HSPG2: variants seen among roughly 807,000 people sequenced by gnomAD.
HSPG2 encodes the protein basement membrane-specific heparan sulfate proteoglycan core protein.
A neutral mutation model predicts 526.6 loss-of-function variants in HSPG2; 278 were observed. The observed-to-expected ratio is 0.53, with a 90% CI of 0.48 to 0.58. The LOEUF (loss-of-function observed/expected upper bound fraction) is 0.58, where lower values mean the gene tolerates loss of function less well. HSPG2 is among the 20% of genes least tolerant of loss of function. The probability of loss-of-function intolerance (pLI) is 0.00; values close to 1 mark genes in which losing one functional copy is unlikely to be tolerated. For missense variants in HSPG2, 5,354 were observed against 6,099.5 expected, an observed-to-expected ratio of 0.88 and a Z score of 4.07; for synonymous variants, 2,465 against 2,555.4, an observed-to-expected ratio of 0.96 and a Z score of 1.07.
Position 21,842,763 on chromosome 1 carries a change from C to A in HSPG2, c.8910+7G>T. 1.2e-6 allele frequency: 2 copies of A among 1,612,882 alleles called. No individual in the cohort carries two copies. The highest frequency in any genetic ancestry group is 2.2e-5 in the East Asian group (1 of 44,880). ...ACCTGGAATCCTCCCCATCCTGGCC[C>A]CTGTACCTGGTGCCGGGCGGGGAGG... On this transcript the variant is annotated splice_region_variant and intron_variant, in intron 67 of 96. Coordinates refer to ENST00000374695, the MANE Select transcript of HSPG2 (RefSeq NM_005529.7).
intron 55 of HSPG2, 171 bp downstream of exon 55, chr1:21,851,375 C>T (rs1638881371): frequency 3.5e-6 from 3 of 869,322 alleles, no homozygotes; most frequent in Non-Finnish European, 5.3e-6. Flanking sequence ...CCAGAATTCA[C>T]ACCCAGGTTA....
Position 21,828,717 on chromosome 1 carries a change from C to A in HSPG2, c.12237+118G>T. On this transcript the variant is annotated intron_variant, in intron 88 of 96. Transcript: ENST00000374695. This position sits in a 1 kb window ranked among gnomAD's most constrained non-coding sequence, Gnocchi z 6.0. ...GGCTCAGAGGTACAGTGTCCTGGCC[C>A]AGGGCCCGTGGGTGGCTGCAGGTGG... 1 of 1,426,454 alleles carries A rather than the reference C, an allele frequency of 7.0e-7. No individual in the cohort carries two copies. The highest frequency in any genetic ancestry group is 9.6e-7 in the Non-Finnish European group (1 of 1,043,068). The allele number at this position is 1,426,454 out of a possible 1,614,324, so 88.4% of individuals were successfully genotyped here.
intron 3 of HSPG2, among the ~76,000 whole-genome samples, chr1:21,891,643 C>T (rs181624855): frequency 3.3e-5 from 5 of 152,246 alleles, no homozygotes; most frequent in Non-Finnish European, 5.9e-5. Context: ...CAGGGTCTTG[C>T]TCTGTCACCC....
chr1:21,927,761 C>T (rs1292987382), intron 1 of HSPG2, among the ~76,000 whole-genome samples: 1 of 152,194 alleles, frequency 6.6e-6, no homozygotes, highest in Non-Finnish European at 1.5e-5. Flanking sequence ...CTCTGTCCTA[C>T]AGCTGCGGCC....
intron 1 of HSPG2, among the ~76,000 whole-genome samples, chr1:21,925,808 T>A (rs1036978618): frequency 6.6e-6 from 1 of 152,026 alleles, no homozygotes; most frequent in Non-Finnish European, 1.5e-5. Flanking sequence ...CAACCTGGGC[T>A]CCATTCCCAG....
chr1:21,846,013 G>C, intron 64 of HSPG2, 95 bp downstream of exon 64: 2 of 1,434,942 alleles, frequency 1.4e-6, no homozygotes, highest in Admixed American at 1.7e-5. Context: ...TTCTCGCCGA[G>C]TGCCAGAAAG....
At chr1:21,901,704 G>A (rs1168123556) in intron 1 of HSPG2, among the ~76,000 whole-genome samples, 13 of 152,176 alleles carry the variant, frequency 8.5e-5, no homozygotes, top group East Asian at 3.9e-4. Context: ...TCCCCAGGGC[G>A]GCTGCAGCTG....
In HSPG2 at chr1:21,829,277, G is replaced by C. The variant is rs1029707157; in HGVS notation, c.11992+106C>G. The C allele has an allele frequency of 2.9e-6, 4 of 1,400,882 alleles. No individual in the cohort carries two copies. In the African/African-American group the frequency reaches 5.7e-5, roughly 20 times the overall value. The allele number at this position is 1,400,882 out of a possible 1,614,324, so 86.8% of individuals were successfully genotyped here. A position where few individuals can be genotyped will look rare whatever the true frequency, so the allele number is the denominator to read the frequency against. ...CGAAATGCACAGGAAGAGGGGACTT[G>C]CCCTGATCCCTGCATTTATCCTCCC... On this transcript the variant is annotated intron_variant, in intron 87 of 96. Coordinates refer to ENST00000374695, the MANE Select transcript of HSPG2 (RefSeq NM_005529.7).
At chr1:21,923,690 G>A (rs554244009) in intron 1 of HSPG2, among the ~76,000 whole-genome samples, 177 of 152,228 alleles carry the variant, frequency 1.2e-3, no homozygotes, top group Non-Finnish European at 1.6e-3. Flanking sequence ...TATAGTCCTC[G>A]AGTGTCTTCC....
intron 33 of HSPG2, chr1:21,868,999 A>T: frequency 7.7e-5 from 1 of 13,046 alleles, no homozygotes; most frequent in South Asian, 2.4e-3. Context: ...GTAAGAGCCG[A>T]GGGGAGCAGG....
Position 21,829,018 on chromosome 1 carries a change from T to G in HSPG2, c.12054A>C (p.Ala4018=). The G allele has an allele frequency of 3.2e-6, 5 of 1,558,080 alleles. No individual in the cohort carries two copies. The highest frequency in any genetic ancestry group is 4.3e-6 in the Non-Finnish European group (5 of 1,151,870). Residue 4018 remains alanine (A), a synonymous_variant, in exon 88 of 97, where the codon GCA becomes GCC. Transcript: ENST00000374695. ...GGCTGCCGTCCTTGTTGAGACGCTC[T>G]GCAGACACACGGTGCCAGCGGCCCA... ...LALGRWHRVS[A]ERLNKDGSLR...
intron 1 of HSPG2, among the ~76,000 whole-genome samples, chr1:21,907,789 C>G (rs1472679368): frequency 6.6e-6 from 1 of 152,194 alleles, no homozygotes; most frequent in Non-Finnish European, 1.5e-5. Flanking sequence ...GCTGGGATTA[C>G]AGGCATGAGC....
chr1:21,853,668 A>C (rs1572233186), intron 50 of HSPG2: 1 of 159,654 alleles, frequency 6.3e-6, no homozygotes, highest in South Asian at 1.7e-4. Context: ...AATGGTGTGA[A>C]CCCGGAAGGC....
chr1:21,889,850 G>T, intron 6 of HSPG2, 131 bp downstream of exon 6: 1 of 912,362 alleles, frequency 1.1e-6, no homozygotes, highest in Non-Finnish European at 1.8e-6. Context: ...GATCGATGGG[G>T]CAGACTCAGG....
chr1:21,855,268 TG>T lies in HSPG2; in HGVS notation c.5997+35del. Reference sequence around the variant, plus strand: ...TGGCTGGGACTCTCTGCAGAGCCTGTGGGCCTCCTCCTCCTGGGTGGGCCCA... The same window carrying T: ...TGGCTGGGACTCTCTGCAGAGCCTGTGGCCTCCTCCTCCTGGGTGGGCCCA... On this transcript the variant is annotated intron_variant, in intron 47 of 96. Coordinates refer to ENST00000374695, the MANE Select transcript of HSPG2 (RefSeq NM_005529.7). 1.9e-6 allele frequency: 3 copies of T among 1,584,316 alleles called. No individual in the cohort carries two copies. The South Asian group carries it at 3.4e-5, about 18-fold the overall frequency.
chr1:21,850,504 C>G lies in HSPG2; in HGVS notation c.7159-6G>C. ...CTCAGCAGGGAGCCGTGGGTCTGGC[C>G]AGAATGGGGGTGAGTCAGAGGGAGC... is the stretch of plus-strand genomic sequence containing the variant. On this transcript the variant is annotated splice_region_variant and splice_polypyrimidine_tract_variant and intron_variant, in intron 55 of 96. Coordinates refer to ENST00000374695, the MANE Select transcript of HSPG2 (RefSeq NM_005529.7). 6.2e-7 allele frequency: 1 copy of G among 1,605,466 alleles called. No individual in the cohort carries two copies. The highest frequency in any genetic ancestry group is 8.5e-7 in the Non-Finnish European group (1 of 1,175,172).
chr1:21,903,221 A>C (rs888158876), intron 1 of HSPG2, among the ~76,000 whole-genome samples: 1 of 152,170 alleles, frequency 6.6e-6, no homozygotes, highest in South Asian at 2.1e-4. Flanking sequence ...AGAGGGGACT[A>C]GGTCACACGG....
In HSPG2 at chr1:21,885,338, T is replaced by C. The variant is rs751115392; in HGVS notation, c.1192A>G (p.Ser398Gly). Residue 398 changes from serine to glycine, a missense_variant, in exon 10 of 97, where the codon AGC (serine) becomes GGC (glycine). Coordinates refer to ENST00000374695, the MANE Select transcript of HSPG2 (RefSeq NM_005529.7). The part of the protein sequence containing the change: ...CDEESDCPDR[S>G]DEFGCMPPQV... ...TGCTCACTGCAGCCAAACTCGTCGC[T>C]CCGGTCAGGACAGTCGCTCTCCTCG... The C allele has an allele frequency of 1.2e-6, 2 of 1,613,718 alleles. No individual in the cohort carries two copies. Among genetic ancestry groups the C allele is most frequent in the African/African-American group, 1.3e-5 (1 of 74,876 alleles).
intron 1 of HSPG2, among the ~76,000 whole-genome samples, chr1:21,915,671 T>C (rs1369383994): frequency 1.3e-5 from 2 of 152,164 alleles, no homozygotes; most frequent in Non-Finnish European, 2.9e-5. Flanking sequence ...GACAGAACTT[T>C]CTGGTGCAAT....
Sources: allele counts gnomAD v4.1 joint callset (sites outside exome capture counted in the v4.1 genomes callset), GRCh38; gene constraint gnomAD v4.1.1; non-coding constraint Gnocchi (gnomAD v3.1); transcripts MANE v1.5; gene names NCBI Gene and HGNC (gene_info 2026-07-23, HGNC 2026-07-21).